The following UNC5D variants were observed in gnomAD, a reference collection of about 807,000 sequenced individuals.
UNC5D encodes the protein unc-5 netrin receptor D, also known as netrin receptor UNC5D.
In UNC5D, 39 loss-of-function variants were observed where a neutral mutation model predicts 105.4. The ratio of observed to expected loss-of-function variants is 0.37; its 90% CI spans 0.29 to 0.48. The LOEUF (loss-of-function observed/expected upper bound fraction) is 0.48, where lower values mean the gene tolerates loss of function less well. Ranked by LOEUF, UNC5D falls within the 20% of genes least tolerant of loss-of-function variation. UNC5D has a pLI of 0.98. For synonymous variants in UNC5D, 452 were observed against 450.4 expected (o/e 1.00, Z -0.04); for missense variants, 991 against 1,202.4 (o/e 0.82, Z 2.60).
intron 8 of UNC5D, among the ~76,000 whole-genome samples, chr8:35,718,828 G>A (rs1471756113): frequency 6.6e-6 from 1 of 152,070 alleles, no homozygotes; most frequent in Non-Finnish European, 1.5e-5. Context: ...TGGAGTAGGG[G>A]TCGGGGGGTA....
intron 1 of UNC5D, among the ~76,000 whole-genome samples, chr8:35,477,059 A>G (rs986996442): frequency 6.6e-6 from 1 of 152,144 alleles, no homozygotes; most frequent in African/African-American, 2.4e-5. Context: ...GCCCCCTTGT[A>G]GGTCCTTCTG....
At chr8:35,483,843 A>C (rs1810654897) in intron 1 of UNC5D, among the ~76,000 whole-genome samples, 1 of 152,186 alleles carries the variant, frequency 6.6e-6, no homozygotes, top group Non-Finnish European at 1.5e-5. Flanking sequence ...ACAGATAAAA[A>C]TGTTTTAATT....
chr8:35,780,811 C>A (rs1563758276), intron 16 of UNC5D, among the ~76,000 whole-genome samples: 1 of 152,154 alleles, frequency 6.6e-6, no homozygotes, highest in Non-Finnish European at 1.5e-5. Flanking sequence ...AAAAAATCAG[C>A]CTTCGTGTCC....
At chr8:35,565,989 A>T (rs1487227864) in intron 2 of UNC5D, among the ~76,000 whole-genome samples, 5 of 152,168 alleles carry the variant, frequency 3.3e-5, no homozygotes, top group Non-Finnish European at 5.9e-5. Context: ...TAAAGTGTAA[A>T]CAAAGAAAAA....
At chr8:35,495,923 A>G (rs1416011777) in intron 1 of UNC5D, among the ~76,000 whole-genome samples, 2 of 152,208 alleles carry the variant, frequency 1.3e-5, no homozygotes, top group Non-Finnish European at 2.9e-5. Flanking sequence ...ACAATGCTGA[A>G]AAAAGGGGCC....
chr8:35,604,980 T>C (rs1820180890), intron 4 of UNC5D, among the ~76,000 whole-genome samples: 1 of 152,198 alleles, frequency 6.6e-6, no homozygotes. Context: ...TTCTTCACCA[T>C]TGGTTCAAAC....
chr8:35,359,261 A>C (rs1312155354), intron 1 of UNC5D, among the ~76,000 whole-genome samples: 1 of 152,240 alleles, frequency 6.6e-6, no homozygotes, highest in Non-Finnish European at 1.5e-5. Flanking sequence ...ACACTTAGCA[A>C]AGATCTGGCC....
intron 1 of UNC5D, among the ~76,000 whole-genome samples, chr8:35,257,973 A>G (rs1804197464): frequency 6.6e-6 from 1 of 152,212 alleles, no homozygotes; most frequent in South Asian, 2.1e-4. Context: ...TTGTATACAC[A>G]TGTGTCTTAA....
chr8:35,684,582 T>A lies in UNC5D; in HGVS notation c.752T>A (p.Val251Glu). ...TCCCCTCCCCATTTTTCTCTCTCAG[T>A]GAATGGAGGCTGGTCTTCCTGGACA... ...RSLSATVVVY[V>E]NGGWSSWTEW... is the part of the protein sequence containing the mutation. Residue 251 changes from valine to glutamate, a missense_variant and splice_region_variant, in exon 6 of 17, where the codon GTG (valine) becomes GAG (glutamate). Coordinates refer to ENST00000404895, the MANE Select transcript of UNC5D (RefSeq NM_080872.4). The A allele has an allele frequency of 6.2e-7, 1 of 1,608,354 alleles. No homozygotes were observed. The highest frequency in any genetic ancestry group is 8.5e-7 in the Non-Finnish European group (1 of 1,178,484).
At chr8:35,428,118 C>T (rs1429906681) in intron 1 of UNC5D, among the ~76,000 whole-genome samples, 4 of 152,092 alleles carry the variant, frequency 2.6e-5, no homozygotes, top group African/African-American at 7.2e-5. Flanking sequence ...ACTCAGGTAG[C>T]TTTTCCCACA....
chr8:35,435,278 T>C (rs994879871), intron 1 of UNC5D, among the ~76,000 whole-genome samples: 3 of 152,148 alleles, frequency 2.0e-5, no homozygotes, highest in Admixed American at 6.6e-5. Context: ...CATCCTAATG[T>C]AGACATTAAA....
At chr8:35,291,482 A>T (rs901408672) in intron 1 of UNC5D, among the ~76,000 whole-genome samples, 5 of 152,218 alleles carry the variant, frequency 3.3e-5, no homozygotes, top group African/African-American at 1.2e-4. Flanking sequence ...GTAATTCAGC[A>T]CATCCATGGG....
chr8:35,696,430 G>A (rs1826784988), intron 7 of UNC5D, among the ~76,000 whole-genome samples: 1 of 151,508 alleles, frequency 6.6e-6, no homozygotes, highest in South Asian at 2.1e-4. Flanking sequence ...TTTTACATTT[G>A]CAGTGTAATT....
chr8:35,289,547 C>A (rs1303713042), intron 1 of UNC5D, among the ~76,000 whole-genome samples: 1 of 152,106 alleles, frequency 6.6e-6, no homozygotes, highest in East Asian at 1.9e-4. Flanking sequence ...TGGTAAAATA[C>A]ACATTCTCCT....
chr8:35,515,562 G>A (rs1395201611), intron 1 of UNC5D, among the ~76,000 whole-genome samples: 1 of 152,162 alleles, frequency 6.6e-6, no homozygotes, highest in African/African-American at 2.4e-5. Context: ...GTGTGCACCT[G>A]TAATCCCAGC....
At chr8:35,333,062 T>G (rs918826086) in intron 1 of UNC5D, among the ~76,000 whole-genome samples, 3 of 152,142 alleles carry the variant, frequency 2.0e-5, no homozygotes, top group African/African-American at 7.2e-5. Flanking sequence ...ATATTTAAGC[T>G]TTAGGCCAGG....
chr8:35,429,432 G>A (rs1806476146), intron 1 of UNC5D, among the ~76,000 whole-genome samples: 3 of 152,056 alleles, frequency 2.0e-5, no homozygotes, highest in East Asian at 1.9e-4. Flanking sequence ...ACTTATATGG[G>A]TTTGTTCAGC....
chr8:35,277,585 G>T (rs978594615), intron 1 of UNC5D, among the ~76,000 whole-genome samples: 16 of 152,130 alleles, frequency 1.1e-4, no homozygotes, highest in Middle Eastern at 3.4e-3. Flanking sequence ...TTACTGATTT[G>T]ATTTTTTTCC....
At chr8:35,519,146 G>C (rs938477660) in intron 1 of UNC5D, among the ~76,000 whole-genome samples, 3 of 151,660 alleles carry the variant, frequency 2.0e-5, no homozygotes, top group Non-Finnish European at 2.9e-5. Context: ...CTTTTTTCTG[G>C]GGTTTCCTCT....
Sources: allele counts gnomAD v4.1 joint callset (sites outside exome capture counted in the v4.1 genomes callset), GRCh38; gene constraint gnomAD v4.1.1; transcripts MANE v1.5; gene names NCBI Gene and HGNC (gene_info 2026-07-23, HGNC 2026-07-21).